The following FHOD3 variants were observed in gnomAD, a reference collection of about 807,000 sequenced individuals.
The protein encoded by FHOD3 is formin homology 2 domain containing 3.
In FHOD3, 90 loss-of-function variants were observed where a neutral mutation model predicts 173.0. The ratio of observed to expected loss-of-function variants is 0.52; its 90% CI spans 0.44 to 0.62. The LOEUF is 0.62. FHOD3 is among the 20% of genes least tolerant of loss of function. The pLI is 0.00. For synonymous variants in FHOD3, 828 were observed against 823.0 expected, an observed-to-expected ratio of 1.01 and a Z score of -0.10; for missense variants, 1,945 against 2,034.7, an observed-to-expected ratio of 0.96 and a Z score of 0.85.
chr18:36,484,818 C>T (rs1299842407), intron 3 of FHOD3, among the ~76,000 whole-genome samples: 1 of 152,200 alleles, frequency 6.6e-6, no homozygotes, highest in African/African-American at 2.4e-5. Flanking sequence ...TTTTCCATGC[C>T]TGTGGCTCTG....
At chr18:36,672,455 A>C (rs1018932548) in intron 14 of FHOD3, among the ~76,000 whole-genome samples, 1 of 152,184 alleles carries the variant, frequency 6.6e-6, no homozygotes, top group African/African-American at 2.4e-5. Context: ...TTGTCTGGCT[A>C]TCAGCTGACT....
intron 19 of FHOD3, among the ~76,000 whole-genome samples, chr18:36,721,329 A>C (rs2040776703): frequency 6.6e-6 from 1 of 152,208 alleles, no homozygotes; most frequent in Non-Finnish European, 1.5e-5. Flanking sequence ...TAAGAATGCA[A>C]GTTAGGATTA....
intron 4 of FHOD3, among the ~76,000 whole-genome samples, chr18:36,506,349 A>G (rs2055297592): frequency 6.6e-6 from 1 of 152,262 alleles, no homozygotes; most frequent in Non-Finnish European, 1.5e-5. Context: ...AGGATATACT[A>G]CTGCCAACAC....
At chr18:36,745,936 C>A in intron 23 of FHOD3, among the ~76,000 whole-genome samples, 1 of 151,952 alleles carries the variant, frequency 6.6e-6, no homozygotes, top group African/African-American at 2.4e-5. Context: ...ATCTTAGCTA[C>A]TTTCCATCCA....
intron 19 of FHOD3, among the ~76,000 whole-genome samples, chr18:36,727,138 G>A (rs778757685): frequency 5.9e-5 from 9 of 152,132 alleles, no homozygotes; most frequent in South Asian, 2.1e-4. Context: ...GGGATGAGAC[G>A]CTTTGGGAAG....
At chr18:36,674,415 T>A (rs1328120870) in intron 14 of FHOD3, among the ~76,000 whole-genome samples, 1 of 152,190 alleles carries the variant, frequency 6.6e-6, no homozygotes, top group Non-Finnish European at 1.5e-5. Flanking sequence ...GGTCTTGCTC[T>A]GTCACCCAGG....
At position 36,420,195 on chromosome 18, in the gene FHOD3, C is replaced by T. The variant is rs79846480; in HGVS notation, c.337+47451C>T. On this transcript the variant is annotated intron_variant, in intron 3 of 28. Coordinates refer to ENST00000590592, the MANE Select transcript of FHOD3 (RefSeq NM_001281740.3). ...ACACTCTCTCGGGCCTCTGTGACAG[C>T]GCCAGGCACATGTCACTGTTGAATT... Among the ~76,000 whole-genome samples, 870 of 152,266 alleles carry T rather than the reference C, an allele frequency of 5.7e-3. 6 individuals are homozygous for T. Among genetic ancestry groups the T allele is most frequent in the African/African-American group, 0.02 (841 of 41,546 alleles).
chr18:36,691,681 G>T (rs767275679), intron 16 of FHOD3, among the ~76,000 whole-genome samples: 1 of 152,166 alleles, frequency 6.6e-6, no homozygotes, highest in Non-Finnish European at 1.5e-5. Flanking sequence ...TTTTATCAGA[G>T]ATTCACCATG....
chr18:36,321,103 A>C (rs1461706590), intron 1 of FHOD3, among the ~76,000 whole-genome samples: 1 of 149,898 alleles, frequency 6.7e-6, no homozygotes, highest in African/African-American at 2.4e-5. Flanking sequence ...TCACTTCATA[A>C]GGAAATCCAG....
chr18:36,763,106 C>T (rs983878884), intron 27 of FHOD3, among the ~76,000 whole-genome samples: 4 of 145,750 alleles, frequency 2.7e-5, no homozygotes, highest in Non-Finnish European at 4.5e-5. Context: ...GTATTATACA[C>T]GTTATATATA....
chr18:36,595,481 C>G (rs1418142161), intron 7 of FHOD3, among the ~76,000 whole-genome samples: 1 of 152,118 alleles, frequency 6.6e-6, no homozygotes, highest in Non-Finnish European at 1.5e-5. Flanking sequence ...GCTGCCACCC[C>G]CTTCTCCCAC....
At chr18:36,308,957 A>C (rs1355472166) in intron 1 of FHOD3, among the ~76,000 whole-genome samples, 1 of 152,112 alleles carries the variant, frequency 6.6e-6, no homozygotes, top group African/African-American at 2.4e-5. Flanking sequence ...GGTAGAACCA[A>C]CTCTTCAATG....
At chr18:36,492,700 A>G (rs926614139) in intron 3 of FHOD3, among the ~76,000 whole-genome samples, 7 of 152,188 alleles carry the variant, frequency 4.6e-5, no homozygotes, top group Non-Finnish European at 8.8e-5. Flanking sequence ...ACCAGGTCTC[A>G]TGACCTTGTC....
intron 5 of FHOD3, among the ~76,000 whole-genome samples, chr18:36,571,720 T>C (rs946263612): frequency 6.6e-6 from 1 of 152,236 alleles, no homozygotes; most frequent in Admixed American, 6.5e-5. Context: ...CAGTTGATTT[T>C]TGGCAAATTT....
At position 36,744,179 on chromosome 18, in the gene FHOD3, AC is replaced by A; in HGVS notation, c.4029del (p.Arg1344GlyfsTer36). The A allele has an allele frequency of 6.2e-7, 1 of 1,613,594 alleles. No homozygotes were observed. Among genetic ancestry groups the A allele is most frequent in the South Asian group, 1.1e-5 (1 of 91,006 alleles). On this transcript the variant is annotated frameshift_variant, in exon 23 of 29. Transcript: ENST00000590592. LOFTEE classifies it high-confidence loss of function. ...SDLYSEIGAI[T>X]RSAKVDFDQL... Reference sequence around the variant, plus strand: ...TCTGTACTCGGAGATCGGGGCCATCACCAGGTCAGCCAAGGTATGTCTGTGG... The same window carrying A: ...TCTGTACTCGGAGATCGGGGCCATCACAGGTCAGCCAAGGTATGTCTGTGG...
At chr18:36,419,963 A>T (rs2049902709) in intron 3 of FHOD3, among the ~76,000 whole-genome samples, 1 of 152,336 alleles carries the variant, frequency 6.6e-6, no homozygotes, top group Non-Finnish European at 1.5e-5. Context: ...CTTGAGGAAG[A>T]TACTGTATTG....
At chr18:36,720,255 T>TTTTTTG (rs2040689550) in intron 19 of FHOD3, among the ~76,000 whole-genome samples, 1 of 150,136 alleles carries the variant, frequency 6.7e-6, no homozygotes, top group African/African-American at 2.5e-5. Context: ...TTTTTTTTTT[T>TTTTTTG]GAGGCAGAGT....
At chr18:36,583,858 C>T (rs939727988) in intron 6 of FHOD3, among the ~76,000 whole-genome samples, 6 of 151,936 alleles carry the variant, frequency 3.9e-5, no homozygotes, top group Non-Finnish European at 7.4e-5. Flanking sequence ...CGGAGTCTCA[C>T]TCTGTCACCC....
chr18:36,753,528 G>A (rs552428964), intron 24 of FHOD3, among the ~76,000 whole-genome samples: 5 of 152,344 alleles, frequency 3.3e-5, no homozygotes, highest in South Asian at 4.1e-4. Context: ...GAACTTTTGT[G>A]TAGAAGGTTT....
Sources: allele counts gnomAD v4.1 joint callset (sites outside exome capture counted in the v4.1 genomes callset), GRCh38; gene constraint gnomAD v4.1.1; transcripts MANE v1.5; gene names NCBI Gene and HGNC (gene_info 2026-07-23, HGNC 2026-07-21).